Variants in DYNC2I2 observed in about 807,000 individuals in gnomAD.
DYNC2I2 encodes cytoplasmic dynein 2 intermediate chain 2.
DYNC2I2 carries 39 observed loss-of-function variants against 52.0 expected under a neutral mutation model. The ratio of observed to expected loss-of-function variants is 0.75; its 90% CI spans 0.58 to 0.98. The LOEUF (loss-of-function observed/expected upper bound fraction) is 0.98, where lower values mean the gene tolerates loss of function less well. Among genes scored for constraint, DYNC2I2 ranks in the 50% least tolerant of loss-of-function variants. DYNC2I2 has a pLI of 0.00. For missense variants in DYNC2I2, 743 were observed against 728.4 expected, an observed-to-expected ratio of 1.02 and a Z score of -0.23; for synonymous variants, 359 against 321.1, an observed-to-expected ratio of 1.12 and a Z score of -1.26.
At chr9:128,684,035 A>G in the DYNC2I2 span, 2 of 1,491,440 alleles carry the variant, frequency 1.3e-6, no homozygotes, top group Non-Finnish European at 1.8e-6. Context: ...GTTTTATTGG[A>G]GATTTAAGGG....
rs2132138514 is a variant in DYNC2I2, at chr9:128,634,714, A to G, written c.1189T>C (p.Ser397Pro). The G allele has an allele frequency of 1.3e-6, 2 of 1,584,448 alleles. No individual in the cohort carries two copies. Among genetic ancestry groups the G allele is most frequent in the South Asian group, 1.1e-5 (1 of 87,006 alleles). The part of the protein sequence containing the change: ...TFSPHGGPIY[S>P]VSCSPFHRNL... ...CTGTGGAAGGGGGAACAGCTCACAG[A>G]GTAGATGGGACCGCCGTGGGGGGAG... Residue 397 changes from serine to proline, a missense_variant, in exon 7 of 9, where the codon TCT becomes CCT. Ser to Pro is a moderately conservative substitution (Grantham distance 74). Coordinates refer to ENST00000372715, the MANE Select transcript of DYNC2I2 (RefSeq NM_052844.4).
chr9:128,646,160 A>G (rs1860614015), intron 1 of DYNC2I2, among the ~76,000 whole-genome samples: 1 of 151,656 alleles, frequency 6.6e-6, no homozygotes, highest in African/African-American at 2.4e-5. Flanking sequence ...GATCTAGCTC[A>G]GATTATTGAT....
intron 1 of DYNC2I2, among the ~76,000 whole-genome samples, chr9:128,644,104 C>T (rs1297500816): frequency 2.0e-5 from 3 of 152,196 alleles, no homozygotes. Context: ...TTGGTAAGAG[C>T]TCACTTCCAG....
chr9:128,676,957 T>G, the DYNC2I2 span, among the ~76,000 whole-genome samples: 1 of 151,796 alleles, frequency 6.6e-6, no homozygotes, highest in Non-Finnish European at 1.5e-5. Flanking sequence ...CAGGCCATTC[T>G]CCTGCCTCAG....
intron 2 of DYNC2I2, 29 bp from the exon 3 acceptor site, chr9:128,637,056 A>C (rs577666695): frequency 1.3e-6 from 2 of 1,571,270 alleles, no homozygotes; most frequent in African/African-American, 2.7e-5. Flanking sequence ...CCCTGAGTCC[A>C]AAGCCACCAG....
chr9:128,643,565 C>G (rs80023897), intron 1 of DYNC2I2, among the ~76,000 whole-genome samples: 3,997 of 151,584 alleles, frequency 0.026, 189 homozygotes, highest in African/African-American at 0.092. Flanking sequence ...GACGGCGCAT[C>G]CTGTAGTCCC....
intron 1 of DYNC2I2, among the ~76,000 whole-genome samples, chr9:128,645,883 G>A (rs931133337): frequency 2.0e-5 from 3 of 152,190 alleles, no homozygotes; most frequent in African/African-American, 7.2e-5. Flanking sequence ...AAGTGAAACA[G>A]CTTATTGCTG....
chr9:128,655,736 C>A (rs773606453), intron 1 of DYNC2I2, among the ~76,000 whole-genome samples: 2 of 149,858 alleles, frequency 1.3e-5, no homozygotes, highest in African/African-American at 2.5e-5. Context: ...TGTGAAACCC[C>A]GTCTCTACTA....
At chr9:128,643,526 CAA>C (rs539379955) in intron 1 of DYNC2I2, among the ~76,000 whole-genome samples, 11 of 108,780 alleles carry the variant, frequency 1.0e-4, no homozygotes, top group Admixed American at 1.9e-4. Flanking sequence ...GACTCCATCT[CAA>C]AAAAAAAAAA....
chr9:128,640,914 G>A lies in DYNC2I2; in HGVS notation c.212C>T (p.Ala71Val). Reference protein sequence around the residue: ...ETKSCQTASIATASASAQARN... With the variant: ...ETKSCQTASIVTASASAQARN... ...GGCCTGGGCGGATGCACTGGCAGTGGCAATGCTGGCCGTCTGGCAACTTTT... is the reference window on the plus strand; with the variant it reads ...GGCCTGGGCGGATGCACTGGCAGTGACAATGCTGGCCGTCTGGCAACTTTT... The change falls in exon 2 of 9, where the codon GCC becomes GTC. Residue 71 changes from alanine to valine, a missense_variant. Transcript: ENST00000372715. The A allele has an allele frequency of 1.3e-6, 2 of 1,598,510 alleles. No homozygotes were observed. Among genetic ancestry groups the A allele is most frequent in the Admixed American group, 1.7e-5 (1 of 58,222 alleles).
At chr9:128,639,038 G>A (rs1470444436) in intron 2 of DYNC2I2, among the ~76,000 whole-genome samples, 1 of 152,194 alleles carries the variant, frequency 6.6e-6, no homozygotes, top group Non-Finnish European at 1.5e-5. Context: ...TCAGGAGGCT[G>A]AGGCAGGAGC....
chr9:128,653,909 G>A (rs1299539393), intron 1 of DYNC2I2, among the ~76,000 whole-genome samples: 1 of 152,158 alleles, frequency 6.6e-6, no homozygotes, highest in African/African-American at 2.4e-5. Flanking sequence ...TACTGGGGAG[G>A]CTGAGGCAGG....
the DYNC2I2 span, among the ~76,000 whole-genome samples, chr9:128,675,587 G>A: frequency 3.3e-5 from 5 of 152,148 alleles, no homozygotes; most frequent in Admixed American, 6.6e-5. Flanking sequence ...CTTAGTCAGC[G>A]CCACATGTAG....
chr9:128,656,612 G>C lies in DYNC2I2; in HGVS notation c.115C>G (p.Gln39Glu), dbSNP rs1167441097. The change falls in exon 1 of 9, where the codon CAG becomes GAG. Residue 39 changes from glutamine (Q) to glutamate (E), a missense_variant. By Grantham distance (29) the Gln-to-Glu change is conservative. Transcript: ENST00000372715. ...GACGCCACACCCAGGGTCTCGTCCT[G>C]CAGCGGCCCTGGCCGCCCCGGCCCC... ...GPGPGRPGPL[Q>E]DETLGVASVP... 8 of 1,495,378 alleles carry C rather than the reference G, an allele frequency of 5.3e-6. No homozygotes were observed. The South Asian group carries it at 7.5e-5, about 14-fold the overall frequency. The allele number at this position is 1,495,378 out of a possible 1,614,324, so 92.6% of individuals were successfully genotyped here.
chr9:128,658,646 A>T (rs1860882183), upstream of DYNC2I2, among the ~76,000 whole-genome samples: 1 of 150,512 alleles, frequency 6.6e-6, no homozygotes, highest in Non-Finnish European at 1.5e-5. Context: ...TATTTTTAGT[A>T]GAGATGGGGT....
At chr9:128,659,927 A>T (rs969151777), upstream of DYNC2I2, among the ~76,000 whole-genome samples, 16 of 151,280 alleles carry the variant, frequency 1.1e-4, no homozygotes, top group Non-Finnish European at 1.8e-4. Context: ...AAAGTTAGCC[A>T]GGTGTAGTGG....
intron 1 of DYNC2I2, 100 bp from the exon 2 acceptor site, chr9:128,641,039 C>G: frequency 4.8e-6 from 7 of 1,454,258 alleles, no homozygotes; most frequent in Non-Finnish European, 6.3e-6. Context: ...CTCCTTGCTG[C>G]TGTGGGTCTC....
chr9:128,635,514 G>T (rs968721950), intron 5 of DYNC2I2, 144 bp downstream of exon 5: 6 of 836,490 alleles, frequency 7.2e-6, no homozygotes, highest in Non-Finnish European at 9.4e-6. Context: ...GCTCCTGAGG[G>T]GGGTGACTCA....
At chr9:128,637,090 C>A in intron 2 of DYNC2I2, 63 bp from the exon 3 acceptor site, 2 of 1,214,904 alleles carry the variant, frequency 1.6e-6, no homozygotes, top group East Asian at 2.4e-5. Flanking sequence ...ACTGCCTAAC[C>A]AAACCCCACC....
Sources: gnomAD v4.1 joint callset for allele counts (sites outside exome capture counted in the v4.1 genomes callset) on GRCh38, gnomAD v4.1.1 for gene constraint, MANE v1.5 for transcripts, NCBI Gene and HGNC (gene_info 2026-07-23, HGNC 2026-07-21) for gene names.